The following PLS1 variants were observed in gnomAD, a reference collection of about 807,000 sequenced individuals.
PLS1 encodes the protein plastin-1.
In PLS1, 32 loss-of-function variants were observed where a neutral mutation model predicts 73.7. The observed-to-expected ratio is 0.43, with a 90% CI of 0.33 to 0.58. The LOEUF (loss-of-function observed/expected upper bound fraction) is 0.58, where lower values mean the gene tolerates loss of function less well. Ranked by LOEUF, PLS1 falls within the 20% of genes least tolerant of loss-of-function variation. PLS1 has a pLI of 0.04. For synonymous variants in PLS1, 217 were observed against 261.3 expected (o/e 0.83, Z 1.63); for missense variants, 633 against 740.5 (o/e 0.85, Z 1.68).
chr3:142,685,033 C>A (rs1026534245), intron 8 of PLS1, among the ~76,000 whole-genome samples: 1 of 151,910 alleles, frequency 6.6e-6, no homozygotes, highest in Non-Finnish European at 1.5e-5. Flanking sequence ...ATCCTGCCCC[C>A]CAAGAGTAAT....
At chr3:142,605,349 T>C (rs1471248771) in intron 1 of PLS1, among the ~76,000 whole-genome samples, 1 of 152,260 alleles carries the variant, frequency 6.6e-6, no homozygotes, top group Non-Finnish European at 1.5e-5. Context: ...CTGTGTCTTA[T>C]AATTTCAACA....
At chr3:142,689,886 G>C in intron 10 of PLS1, 73 bp downstream of exon 10, 1 of 962,310 alleles carries the variant, frequency 1.0e-6, no homozygotes, top group Non-Finnish European at 1.5e-6. Context: ...CACTGTCAGA[G>C]ATAGGGGATT....
chr3:142,671,329 A>G (rs1034852002), intron 4 of PLS1, among the ~76,000 whole-genome samples: 10 of 152,244 alleles, frequency 6.6e-5, no homozygotes, highest in African/African-American at 2.2e-4. Context: ...GAAAAATCCT[A>G]GAATCATTGA....
intron 8 of PLS1, among the ~76,000 whole-genome samples, chr3:142,685,960 G>C (rs1011265417): frequency 6.6e-6 from 1 of 152,182 alleles, no homozygotes; most frequent in Non-Finnish European, 1.5e-5. Context: ...AGAATCCAGG[G>C]AAGGCATACG....
Position 142,712,551 on chromosome 3 carries a change from A to T in PLS1, c.*544A>T, listed in dbSNP as rs937815269. On this transcript the variant is annotated 3_prime_UTR_variant, in exon 16 of 16. Coordinates refer to ENST00000457734, the MANE Select transcript of PLS1 (RefSeq NM_001145319.2). Reference sequence around the variant, plus strand: ...AATATCAAACTTTTTTATATATGAGAACTAATTCTTGAATAAACCCCAAAG... The same window carrying T: ...AATATCAAACTTTTTTATATATGAGTACTAATTCTTGAATAAACCCCAAAG... 3 of 152,348 alleles carry T rather than the reference A, an allele frequency of 2.0e-5. No individual in the cohort carries two copies. Among genetic ancestry groups the T allele is most frequent in the Non-Finnish European group, 4.4e-5 (3 of 67,982 alleles). 9.4% of individuals were successfully genotyped at this position (152,348 alleles called of 1,614,324 possible). A position where few individuals can be genotyped will look rare whatever the true frequency, so the allele number is the denominator to read the frequency against.
intron 1 of PLS1, among the ~76,000 whole-genome samples, chr3:142,610,947 CT>C (rs1454661333): frequency 6.6e-6 from 1 of 152,142 alleles, no homozygotes; most frequent in Non-Finnish European, 1.5e-5. Flanking sequence ...AGTTGGCAAA[CT>C]TTTTCTGTAA....
At chr3:142,683,872 G>T in intron 6 of PLS1, 134 bp from the exon 7 acceptor site, 5 of 597,966 alleles carry the variant, frequency 8.4e-6, no homozygotes, top group Middle Eastern at 4.6e-4. Context: ...TTTTTGAGTA[G>T]TGGTATTTTC....
intron 11 of PLS1, among the ~76,000 whole-genome samples, chr3:142,695,922 G>T (rs919617729): frequency 1.3e-4 from 19 of 151,978 alleles, no homozygotes; most frequent in African/African-American, 4.6e-4. Flanking sequence ...AGCCTCCCAA[G>T]TAGCTGGGAT....
intron 10 of PLS1, among the ~76,000 whole-genome samples, chr3:142,692,073 A>C (rs1226511377): frequency 6.6e-6 from 1 of 152,138 alleles, no homozygotes; most frequent in African/African-American, 2.4e-5. Flanking sequence ...GAAGAGTTAC[A>C]GAGCAAGCTA....
intron 1 of PLS1, among the ~76,000 whole-genome samples, chr3:142,626,203 T>A (rs1048544392): frequency 2.5e-4 from 38 of 152,154 alleles, no homozygotes; most frequent in African/African-American, 8.9e-4. Flanking sequence ...GCATGGGACA[T>A]AGTTTTAGCA....
At chr3:142,652,487 G>A (rs190290377) in intron 1 of PLS1, among the ~76,000 whole-genome samples, 1 of 152,258 alleles carries the variant, frequency 6.6e-6, no homozygotes, top group Admixed American at 6.5e-5. Flanking sequence ...GTGCCCCTTG[G>A]ACAAGCTGCA....
At chr3:142,602,626 T>G (rs573667348) in intron 1 of PLS1, among the ~76,000 whole-genome samples, 74 of 152,086 alleles carry the variant, frequency 4.9e-4, no homozygotes, top group African/African-American at 1.7e-3. Context: ...GGCCCCAGCT[T>G]TGACCTGTGA....
chr3:142,621,715 G>T (rs923081164), intron 1 of PLS1, among the ~76,000 whole-genome samples: 2 of 152,084 alleles, frequency 1.3e-5, no homozygotes, highest in Admixed American at 6.6e-5. Flanking sequence ...TTTTAATGCT[G>T]CATATTGCTT....
intron 4 of PLS1, among the ~76,000 whole-genome samples, chr3:142,672,889 A>G (rs149441756): frequency 6.6e-6 from 1 of 152,234 alleles, no homozygotes; most frequent in East Asian, 1.9e-4. Context: ...CATTACACCA[A>G]AGAAGAACAC....
intron 10 of PLS1, among the ~76,000 whole-genome samples, chr3:142,690,217 G>T (rs1038032055): frequency 2.0e-5 from 3 of 152,014 alleles, no homozygotes; most frequent in Non-Finnish European, 4.4e-5. Context: ...AAAAATTACA[G>T]TGTTCGTTAT....
intron 9 of PLS1, 51 bp downstream of exon 9, chr3:142,686,427 A>G (rs756339442): frequency 3.8e-6 from 4 of 1,059,392 alleles, no homozygotes; most frequent in Non-Finnish European, 5.9e-6. Flanking sequence ...ACAGACGTAG[A>G]AAATTTACCA....
intron 9 of PLS1, among the ~76,000 whole-genome samples, chr3:142,687,457 A>G (rs889157627): frequency 2.6e-5 from 4 of 152,212 alleles, no homozygotes; most frequent in African/African-American, 9.7e-5. Context: ...GTCATTACTA[A>G]TTAATTATAT....
At chr3:142,621,647 T>G (rs1297100465) in intron 1 of PLS1, among the ~76,000 whole-genome samples, 1 of 152,168 alleles carries the variant, frequency 6.6e-6, no homozygotes, top group Admixed American at 6.5e-5. Flanking sequence ...ATTTTGGCCT[T>G]GGTTATTTCT....
At chr3:142,665,124 GA>G (rs1326373034) in intron 2 of PLS1, among the ~76,000 whole-genome samples, 2 of 151,856 alleles carry the variant, frequency 1.3e-5, no homozygotes. Context: ...AGCCCTCCAT[GA>G]AAAACAGTCA....
Sources: gnomAD v4.1 joint callset for allele counts (sites outside exome capture counted in the v4.1 genomes callset) on GRCh38, gnomAD v4.1.1 for gene constraint, MANE v1.5 for transcripts, NCBI Gene and HGNC (gene_info 2026-07-23, HGNC 2026-07-21) for gene names.